The following UGT1A10 variants were observed in gnomAD, a reference collection of about 807,000 sequenced individuals.
UGT1A10 encodes UDP-glucuronosyltransferase 1A10.
In UGT1A10, 49 loss-of-function variants were observed where a neutral mutation model predicts 45.8. The observed-to-expected ratio is 1.07, with a 90% CI of 0.85 to 1.36. The LOEUF is 1.36. Ranked by LOEUF, UGT1A10 falls within the 40% of genes most tolerant of loss-of-function variation. The pLI is 0.00. For missense variants in UGT1A10, 745 were observed against 668.6 expected (o/e 1.11, Z -1.26); for synonymous variants, 284 against 249.7 (o/e 1.14, Z -1.29).
chr2:233,748,526 A>G (rs1693963242), intron 1 of UGT1A10, among the ~76,000 whole-genome samples: 1 of 151,860 alleles, frequency 6.6e-6, no homozygotes, highest in South Asian at 2.1e-4. Context: ...CGAATGATAG[A>G]GAGGTGACCA....
intron 1 of UGT1A10, among the ~76,000 whole-genome samples, chr2:233,665,037 A>G (rs1575410569): frequency 1.3e-5 from 2 of 152,174 alleles, no homozygotes; most frequent in African/African-American, 2.4e-5. Flanking sequence ...TGTGTGCATC[A>G]TTTTCATTTT....
At chr2:233,681,113 G>A (rs1232765973) in intron 1 of UGT1A10, among the ~76,000 whole-genome samples, 1 of 151,666 alleles carries the variant, frequency 6.6e-6, no homozygotes, top group Non-Finnish European at 1.5e-5. Context: ...AGTGAGCTGT[G>A]TATTGCAGAG....
chr2:233,725,058 G>A (rs1228937957), intron 1 of UGT1A10, among the ~76,000 whole-genome samples: 11 of 147,492 alleles, frequency 7.5e-5, no homozygotes, highest in East Asian at 4.2e-4. Flanking sequence ...GTGGCGGCGC[G>A]CGCCTGCAAT....
rs1393468196 is a variant in UGT1A10 at position 233,724,983 on chromosome 2, G to A, written c.856-42051G>A. Among the ~76,000 whole-genome samples, 3 of 134,836 alleles carry A rather than the reference G, an allele frequency of 2.2e-5. 1 individual carries two copies. The highest frequency in any genetic ancestry group is 9.1e-5 in the African/African-American group (3 of 32,964). The allele number at this position is 134,836 out of a possible 152,430, so 88.5% of individuals were successfully genotyped here. A position where few individuals can be genotyped will look rare whatever the true frequency, so the allele number is the denominator to read the frequency against. On this transcript the variant is annotated intron_variant, in intron 1 of 4. Transcript: ENST00000344644. ...AGGCCGAGGTTGGCGGATCACTCGC[G>A]GTTAGGGGCTGGAGACCGGCCCGGC...
chr2:233,681,970 C>G (rs7577677), intron 1 of UGT1A10: 6 of 1,613,842 alleles, frequency 3.7e-6, no homozygotes, highest in Middle Eastern at 3.3e-4. Context: ...GCCTCCTTCC[C>G]CTATATGTGT....
rs1692213854 is a variant in UGT1A10 at position 233,743,141 on chromosome 2, AG to A, written c.856-23892del. Reference sequence around the variant, plus strand: ...AAAGTTCACTTTCAATCCTAAAAAAAGTCCGCTATTCCTCCAGATGTGCTTA... The same window carrying A: ...AAAGTTCACTTTCAATCCTAAAAAAATCCGCTATTCCTCCAGATGTGCTTA... On this transcript the variant is annotated intron_variant, in intron 1 of 4. Transcript: ENST00000344644. The A allele has an allele frequency of 1.1e-5, 4 of 356,900 alleles. No individual in the cohort carries two copies. The Admixed American group carries it at 1.1e-4, about 10-fold the overall frequency. The allele number at this position is 356,900 out of a possible 1,614,324, so 22.1% of individuals were successfully genotyped here.
intron 1 of UGT1A10, among the ~76,000 whole-genome samples, chr2:233,726,758 C>T (rs2125721651): frequency 6.6e-6 from 1 of 152,360 alleles, no homozygotes; most frequent in East Asian, 1.9e-4. Context: ...CTGCCTACCA[C>T]AGACACTAAG....
intron 1 of UGT1A10, among the ~76,000 whole-genome samples, chr2:233,641,128 C>A (rs1462296609): frequency 6.6e-6 from 1 of 152,128 alleles, no homozygotes; most frequent in Non-Finnish European, 1.5e-5. Context: ...CCTCAGCAAG[C>A]CTTTGTCTCC....
At chr2:233,707,645 T>C (rs542813873) in intron 1 of UGT1A10, among the ~76,000 whole-genome samples, 94 of 152,138 alleles carry the variant, frequency 6.2e-4, no homozygotes, top group African/African-American at 2.2e-3. Flanking sequence ...ATTGTATGAA[T>C]ACACCACAAT....
intron 1 of UGT1A10, chr2:233,718,894 G>A: frequency 6.2e-7 from 1 of 1,614,034 alleles, no homozygotes; most frequent in Non-Finnish European, 8.5e-7. Context: ...GTCCAGCCCT[G>A]GGCTGAGAGT....
intron 1 of UGT1A10, chr2:233,748,229 G>A: frequency 1.4e-6 from 2 of 1,404,944 alleles, no homozygotes; most frequent in Non-Finnish European, 1.9e-6. Flanking sequence ...AAACTGTTAA[G>A]GGGTCTCTAG....
chr2:233,689,931 G>A (rs762732486), intron 1 of UGT1A10: 1 of 456,630 alleles, frequency 2.2e-6, no homozygotes, highest in South Asian at 1.5e-5. Flanking sequence ...TCCTTCGAAA[G>A]AACCCAAGAT....
At chr2:233,669,012 G>T (rs567533015) in intron 1 of UGT1A10, among the ~76,000 whole-genome samples, 1 of 152,314 alleles carries the variant, frequency 6.6e-6, no homozygotes, top group Admixed American at 6.5e-5. Flanking sequence ...TGGTAACACA[G>T]GGGTTATAGG....
At chr2:233,717,941 A>G in intron 1 of UGT1A10, 1 of 453,744 alleles carries the variant, frequency 2.2e-6, no homozygotes, top group Middle Eastern at 6.9e-4. Context: ...GTCTCTATGC[A>G]GACTTGCAGA....
At chr2:233,770,089 T>C (rs2126050834) in intron 4 of UGT1A10, 1 of 153,022 alleles carries the variant, frequency 6.5e-6, no homozygotes, top group South Asian at 2.1e-4. Context: ...TTCAGTGGTA[T>C]AGATAACTAC....
Position 233,637,269 on chromosome 2 carries a change from A to T in UGT1A10, c.747A>T (p.Ser249=), listed in dbSNP as rs1027526130. Residue 249 remains serine, a synonymous_variant, in exon 1 of 5, where the codon TCA becomes TCT. Transcript: ENST00000344644. The part of the protein sequence containing the change: ...VTAYDLYSHT[S]IWLLRTDFVL... ...CATATGATCTCTACAGTCACACATCAATTTGGTTGTTGCGAACGGACTTTG... is the reference window on the plus strand; with the variant it reads ...CATATGATCTCTACAGTCACACATCTATTTGGTTGTTGCGAACGGACTTTG... 1.2e-6 allele frequency: 2 copies of T among 1,613,788 alleles called. No individual in the cohort carries two copies. Among genetic ancestry groups the T allele is most frequent in the Admixed American group, 1.7e-5 (1 of 59,990 alleles).
At position 233,769,501 on chromosome 2, in the gene UGT1A10, A is replaced by G. The variant is rs773053251; in HGVS notation, c.1295+1062A>G. 30 of 1,612,628 alleles carry G rather than the reference A, an allele frequency of 1.9e-5. No homozygotes were observed. In the Admixed American group the frequency reaches 4.8e-4, roughly 26 times the overall value. ...TGTGCGTGTGTTTATGAGAGTGTCCATTGCTTTCTCCCATGGTTACCTCCT... is the reference window on the plus strand; with the variant it reads ...TGTGCGTGTGTTTATGAGAGTGTCCGTTGCTTTCTCCCATGGTTACCTCCT... On this transcript the variant is annotated intron_variant, in intron 4 of 4. Transcript: ENST00000344644. This position sits in a 1 kb window ranked among gnomAD's most constrained non-coding sequence, Gnocchi z 4.4.
intron 1 of UGT1A10, among the ~76,000 whole-genome samples, chr2:233,645,504 G>A (rs531747371): frequency 1.2e-4 from 19 of 152,302 alleles, no homozygotes; most frequent in African/African-American, 4.6e-4. Flanking sequence ...AAAATCAAAA[G>A]CAAGTTAGTT....
In UGT1A10 at chr2:233,670,807, T is replaced by C. The variant is rs1355911183; in HGVS notation, c.855+33430T>C. 3.3e-5 allele frequency among the ~76,000 whole-genome samples: 5 copies of C among 152,192 alleles called. No individual in the cohort carries two copies. The East Asian group carries it at 9.6e-4, about 29-fold the overall frequency. ...GGTGGCTAGGGGCATTGTCCAAAAA[T>C]CAAAAGAACTTTGAAAGACCGTCTC... On this transcript the variant is annotated intron_variant, in intron 1 of 4. Transcript: ENST00000344644.
Sources: allele counts gnomAD v4.1 joint callset (sites outside exome capture counted in the v4.1 genomes callset), GRCh38; gene constraint gnomAD v4.1.1; non-coding constraint Gnocchi (gnomAD v3.1); transcripts MANE v1.5; gene names NCBI Gene and HGNC (gene_info 2026-07-23, HGNC 2026-07-21).